The following CNTNAP2 variants were observed in gnomAD, a reference collection of about 807,000 sequenced individuals.
CNTNAP2 encodes contactin associated protein 2.
A neutral mutation model predicts 155.2 loss-of-function variants in CNTNAP2; 98 were observed. The observed-to-expected ratio is 0.63, with a 90% CI of 0.54 to 0.75. The LOEUF is 0.75. Among genes scored for constraint, CNTNAP2 ranks in the 30% least tolerant of loss-of-function variants. The pLI is 0.00. For synonymous variants in CNTNAP2, 651 were observed against 631.2 expected (o/e 1.03, Z -0.47); for missense variants, 1,727 against 1,688.1 (o/e 1.02, Z -0.40).
chr7:147,850,035 G>C (rs923516738), intron 13 of CNTNAP2: 1 of 152,294 alleles, frequency 6.6e-6, no homozygotes, highest in African/African-American at 2.4e-5. Context: ...TTAATTATAT[G>C]TATTACTGGG....
At chr7:147,361,786 T>C (rs1399155546) in intron 9 of CNTNAP2, among the ~76,000 whole-genome samples, 1 of 152,184 alleles carries the variant, frequency 6.6e-6, no homozygotes, top group Non-Finnish European at 1.5e-5. Context: ...TTGAGTAAGA[T>C]AAACTTATTG....
intron 15 of CNTNAP2, among the ~76,000 whole-genome samples, chr7:148,087,087 A>G (rs890457352): frequency 6.6e-6 from 1 of 152,150 alleles, no homozygotes; most frequent in Non-Finnish European, 1.5e-5. Flanking sequence ...TCTACCTTTC[A>G]GTCCTCCTCC....
chr7:147,161,302 G>A (rs547275853), intron 8 of CNTNAP2, among the ~76,000 whole-genome samples: 2 of 152,258 alleles, frequency 1.3e-5, no homozygotes, highest in African/African-American at 2.4e-5. Context: ...TGTGGGATAA[G>A]GATAAGTGAG....
chr7:147,434,136 ATTCAACTGGGT>A (rs1797510130), intron 10 of CNTNAP2, among the ~76,000 whole-genome samples: 1 of 152,204 alleles, frequency 6.6e-6, no homozygotes, highest in Non-Finnish European at 1.5e-5. Flanking sequence ...CTTGATGCCT[ATTCAACTGGGT>A]TTCCTGTTCA....
At chr7:147,756,982 A>G (rs766400757) in intron 13 of CNTNAP2, among the ~76,000 whole-genome samples, 4 of 152,198 alleles carry the variant, frequency 2.6e-5, no homozygotes, top group African/African-American at 4.8e-5. Flanking sequence ...ATAGTCAGAT[A>G]GTTGTAGCAT....
intron 16 of CNTNAP2, among the ~76,000 whole-genome samples, chr7:148,122,361 C>T (rs575816518): frequency 1.3e-5 from 2 of 152,194 alleles, no homozygotes; most frequent in South Asian, 2.1e-4. Context: ...TGACAAGGAG[C>T]GCCTCCCAGG....
intron 1 of CNTNAP2, among the ~76,000 whole-genome samples, chr7:146,266,976 AT>A (rs1800004241): frequency 6.6e-6 from 1 of 151,272 alleles, no homozygotes; most frequent in Admixed American, 6.6e-5. Context: ...AGTCATAGGT[AT>A]TTGTGTATCA....
intron 19 of CNTNAP2, among the ~76,000 whole-genome samples, chr7:148,222,258 T>C (rs1795760159): frequency 6.6e-6 from 1 of 152,180 alleles, no homozygotes; most frequent in African/African-American, 2.4e-5. Context: ...TGAAACTGGG[T>C]AATTTATAAA....
intron 8 of CNTNAP2, among the ~76,000 whole-genome samples, chr7:147,172,041 C>T (rs549259056): frequency 6.6e-6 from 1 of 152,250 alleles, no homozygotes; most frequent in East Asian, 1.9e-4. Flanking sequence ...TGTTTCTGCC[C>T]TCTCTGGATA....
chr7:146,733,647 T>G (rs1482432686), intron 1 of CNTNAP2, among the ~76,000 whole-genome samples: 1 of 152,064 alleles, frequency 6.6e-6, no homozygotes, highest in Non-Finnish European at 1.5e-5. Context: ...TGCTGCTTGC[T>G]GGCACTTAAG....
At chr7:147,782,077 T>G (rs1213981213) in intron 13 of CNTNAP2, among the ~76,000 whole-genome samples, 1 of 151,436 alleles carries the variant, frequency 6.6e-6, no homozygotes. Flanking sequence ...AAGTAGAATC[T>G]CTAAAGGGGG....
At chr7:147,081,304 A>G (rs1800119960) in intron 4 of CNTNAP2, 1 of 151,940 alleles carries the variant, frequency 6.6e-6, no homozygotes, top group African/African-American at 2.4e-5. Flanking sequence ...CTGCTACAGG[A>G]TTCACTCCAA....
chr7:146,229,409 C>T (rs1198322831), intron 1 of CNTNAP2, among the ~76,000 whole-genome samples: 3 of 152,118 alleles, frequency 2.0e-5, no homozygotes, highest in Admixed American at 6.5e-5. Flanking sequence ...CACCCCATGA[C>T]CCAACTCCCA....
At chr7:146,289,641 G>C (rs999578610) in intron 1 of CNTNAP2, among the ~76,000 whole-genome samples, 3 of 152,016 alleles carry the variant, frequency 2.0e-5, no homozygotes, top group South Asian at 4.1e-4. Context: ...TGAGCGATTT[G>C]GGCCTTCAGC....
chr7:148,164,257 A>G (rs992878722), intron 17 of CNTNAP2, among the ~76,000 whole-genome samples: 15 of 152,188 alleles, frequency 9.9e-5, no homozygotes, highest in East Asian at 9.7e-4. Context: ...TTTTTTTTTA[A>G]CGGGTTCAAG....
At chr7:147,910,176 T>C (rs1375408073) in intron 14 of CNTNAP2, among the ~76,000 whole-genome samples, 1 of 152,216 alleles carries the variant, frequency 6.6e-6, no homozygotes, top group African/African-American at 2.4e-5. Flanking sequence ...TTTTTTGTCC[T>C]TGTTTATAAG....
chr7:147,369,598 A>G (rs573213140), intron 9 of CNTNAP2, among the ~76,000 whole-genome samples: 5 of 152,200 alleles, frequency 3.3e-5, no homozygotes, highest in African/African-American at 7.2e-5. Context: ...TTTGGAGGCC[A>G]TATGGTCTCT....
In CNTNAP2 at chr7:147,625,381, C is replaced by T. The variant is rs1965628; in HGVS notation, c.1898-13725C>T. ...TCATGTACCCCATAAATATATATACCTATGATGTACCCACAAAAATTTAAA... is the reference window on the plus strand; with the variant it reads ...TCATGTACCCCATAAATATATATACTTATGATGTACCCACAAAAATTTAAA... On this transcript the variant is annotated intron_variant, in intron 12 of 23. Coordinates refer to ENST00000361727, the MANE Select transcript of CNTNAP2 (RefSeq NM_014141.6). Among the ~76,000 whole-genome samples the T allele has an allele frequency of 6.7e-3, 1,012 of 152,044 alleles. 4 individuals are homozygous for T. Among genetic ancestry groups the T allele is most frequent in the Non-Finnish European group, 0.011 (722 of 67,992 alleles).
At chr7:146,920,852 TG>T (rs1796484552) in intron 3 of CNTNAP2, among the ~76,000 whole-genome samples, 1 of 152,116 alleles carries the variant, frequency 6.6e-6, no homozygotes, top group Admixed American at 6.6e-5. Context: ...TGCATAAAAG[TG>T]ACATAAATGC....
Sources: allele counts gnomAD v4.1 joint callset (sites outside exome capture counted in the v4.1 genomes callset), GRCh38; gene constraint gnomAD v4.1.1; transcripts MANE v1.5; gene names NCBI Gene and HGNC (gene_info 2026-07-23, HGNC 2026-07-21).